PDZD2: variants seen among roughly 807,000 people sequenced by gnomAD.
The protein encoded by PDZD2 is PDZ domain-containing protein 2.
A neutral mutation model predicts 220.7 loss-of-function variants in PDZD2; 90 were observed. The observed-to-expected ratio is 0.41, with a 90% confidence interval of 0.34 to 0.49. The LOEUF is 0.49. Ranked by LOEUF, PDZD2 falls within the 20% of genes least tolerant of loss-of-function variation. The pLI, the probability that PDZD2 is intolerant of heterozygous loss-of-function variation, is 0.28. For missense variants in PDZD2, 3,174 were observed against 3,608.5 expected (o/e 0.88, Z 3.08); for synonymous variants, 1,375 against 1,450.5 (o/e 0.95, Z 1.18).
chr5:31,774,670 CA>C (rs1246860058), intron 1 of PDZD2, among the ~76,000 whole-genome samples: 1 of 151,750 alleles, frequency 6.6e-6, no homozygotes, highest in Non-Finnish European at 1.5e-5. Flanking sequence ...GAGCCAAGAT[CA>C]CACCACCTTT....
intron 21 of PDZD2, 148 bp from the exon 22 acceptor site, chr5:32,097,131 C>T (rs1008715104): frequency 1.3e-5 from 8 of 621,678 alleles, no homozygotes; most frequent in African/African-American, 7.4e-5. Flanking sequence ...TGGCTGAGAG[C>T]CAAAGAACCT....
intron 7 of PDZD2, among the ~76,000 whole-genome samples, chr5:32,039,202 C>A (rs918478589): frequency 3.3e-5 from 5 of 149,860 alleles, no homozygotes; most frequent in Non-Finnish European, 4.4e-5. Flanking sequence ...CTGCCTCAGG[C>A]TCCCGTGATT....
intron 2 of PDZD2, among the ~76,000 whole-genome samples, chr5:31,837,590 G>T (rs1757021861): frequency 6.6e-6 from 1 of 152,140 alleles, no homozygotes; most frequent in Non-Finnish European, 1.5e-5. Flanking sequence ...CAGGCATGGT[G>T]GTCCATGCCT....
chr5:31,847,069 C>A (rs1350946914), intron 2 of PDZD2, among the ~76,000 whole-genome samples: 2 of 152,120 alleles, frequency 1.3e-5, no homozygotes, highest in Admixed American at 1.3e-4. Context: ...ACTCAATAAA[C>A]CTCGTTAAAA....
chr5:32,061,885 G>C (rs1232614158), intron 14 of PDZD2, among the ~76,000 whole-genome samples: 1 of 152,162 alleles, frequency 6.6e-6, no homozygotes, highest in Non-Finnish European at 1.5e-5. Context: ...AATTTAAATT[G>C]TTTCTGTGTT....
intron 2 of PDZD2, among the ~76,000 whole-genome samples, chr5:31,850,226 G>GTATATATATATATA (rs752884909): frequency 4.1e-4 from 42 of 101,208 alleles, no homozygotes; most frequent in African/African-American, 1.5e-3. Flanking sequence ...ATATATATAA[G>GTATATATATATATA]TATATATATA....
intron 2 of PDZD2, among the ~76,000 whole-genome samples, chr5:31,909,357 A>G (rs1306785596): frequency 6.6e-6 from 1 of 152,226 alleles, no homozygotes; most frequent in African/African-American, 2.4e-5. Flanking sequence ...AAAGCACGTC[A>G]TGTAGTTTGT....
At chr5:31,849,474 T>C (rs944869884) in intron 2 of PDZD2, among the ~76,000 whole-genome samples, 1 of 152,178 alleles carries the variant, frequency 6.6e-6, no homozygotes, top group Admixed American at 6.6e-5. Flanking sequence ...TTATTATCAT[T>C]ATCATCATCA....
At chr5:31,890,045 A>AC (rs543290061) in intron 2 of PDZD2, among the ~76,000 whole-genome samples, 12 of 124,174 alleles carry the variant, frequency 9.7e-5, no homozygotes, top group African/African-American at 2.4e-4. Flanking sequence ...AAAAACAAAC[A>AC]CCCCCCCACC....
intron 6 of PDZD2, among the ~76,000 whole-genome samples, chr5:32,023,234 C>G (rs1471257348): frequency 2.0e-5 from 3 of 152,174 alleles, no homozygotes; most frequent in Non-Finnish European, 4.4e-5. Context: ...CTCCTGCTCA[C>G]TTGATGCCGG....
At chr5:31,695,172 A>T (rs1421934317) in intron 1 of PDZD2, among the ~76,000 whole-genome samples, 3 of 152,030 alleles carry the variant, frequency 2.0e-5, no homozygotes, top group Non-Finnish European at 4.4e-5. Context: ...CGGCTACTCC[A>T]TAGGCAGAGC....
At chr5:31,668,610 C>T (rs759632879) in intron 1 of PDZD2, among the ~76,000 whole-genome samples, 5 of 152,082 alleles carry the variant, frequency 3.3e-5, no homozygotes, top group South Asian at 2.1e-4. Context: ...ACGTCATAAA[C>T]GGATAGTAAT....
intron 21 of PDZD2, among the ~76,000 whole-genome samples, chr5:32,096,167 C>T (rs1299085786): frequency 6.6e-6 from 1 of 152,140 alleles, no homozygotes; most frequent in African/African-American, 2.4e-5. Context: ...TTACTGGGTC[C>T]CGTATTCCCA....
chr5:31,885,925 T>C (rs1374106773), intron 2 of PDZD2, among the ~76,000 whole-genome samples: 2 of 150,134 alleles, frequency 1.3e-5, no homozygotes, highest in Non-Finnish European at 3.0e-5. Flanking sequence ...TTTTGGTTTT[T>C]TTTTTTAAAA....
At chr5:31,841,731 A>T (rs1377721332) in intron 2 of PDZD2, among the ~76,000 whole-genome samples, 5 of 151,774 alleles carry the variant, frequency 3.3e-5, no homozygotes, top group Non-Finnish European at 7.4e-5. Flanking sequence ...CCAGCACTTT[A>T]GGAGGCTGAG....
At chr5:32,015,052 C>T (rs1753681477) in intron 6 of PDZD2, among the ~76,000 whole-genome samples, 2 of 151,224 alleles carry the variant, frequency 1.3e-5, no homozygotes, top group African/African-American at 4.9e-5. Context: ...AGCAATTCTC[C>T]TGCCTCAGCC....
At position 31,862,103 on chromosome 5, in the gene PDZD2, T is replaced by G. The variant is rs1737762573; in HGVS notation, c.476+62379T>G. ...TAGACTCAATGTTTTTTTTTTGGGT[T>G]TTTTTTTTTTTTTTTTTTTTGAGAT... On this transcript the variant is annotated intron_variant, in intron 2 of 24. Coordinates refer to ENST00000438447, the MANE Select transcript of PDZD2 (RefSeq NM_178140.4). Among the ~76,000 whole-genome samples the G allele has an allele frequency of 2.9e-4, 16 of 54,450 alleles. 1 individual carries two copies. In the South Asian group the frequency reaches 8.9e-3, roughly 30 times the overall value. The allele number at this position is 54,450 out of a possible 152,430, so 35.7% of individuals were successfully genotyped here. A position where few individuals can be genotyped will look rare whatever the true frequency, so the allele number is the denominator to read the frequency against.
chr5:31,767,027 C>CTGTTTTTTTTT (rs1752067578), intron 1 of PDZD2, among the ~76,000 whole-genome samples: 1 of 94,298 alleles, frequency 1.1e-5, no homozygotes, highest in South Asian at 3.9e-4. Context: ...TGCACCCAGC[C>CTGTTTTTTTTT]TTTTTTTTTT....
chr5:31,994,739 G>A (rs1319975538), intron 3 of PDZD2, among the ~76,000 whole-genome samples: 4 of 151,926 alleles, frequency 2.6e-5, no homozygotes, highest in Admixed American at 6.6e-5. Flanking sequence ...CACCTGCCTC[G>A]GCCTCTCAAA....
Sources: allele counts gnomAD v4.1 joint callset (sites outside exome capture counted in the v4.1 genomes callset), GRCh38; gene constraint gnomAD v4.1.1; transcripts MANE v1.5; gene names NCBI Gene and HGNC (gene_info 2026-07-23, HGNC 2026-07-21).